Variants in SNX29 observed in about 807,000 individuals in gnomAD.
SNX29 encodes sorting nexin-29.
SNX29 carries 78 observed loss-of-function variants against 102.1 expected under a neutral mutation model. The ratio of observed to expected loss-of-function variants is 0.76; its 90% CI spans 0.64 to 0.92. The LOEUF is 0.92. Among genes scored for constraint, SNX29 ranks in the 40% least tolerant of loss-of-function variants. SNX29 has a pLI of 0.00. For missense variants in SNX29, 1,280 were observed against 1,061.7 expected (o/e 1.21, Z -2.86); for synonymous variants, 580 against 414.5 (o/e 1.40, Z -4.85).
chr16:12,527,319 C>G (rs2269446), intron 20 of SNX29: 134,696 of 530,592 alleles, frequency 0.25, 19,356 homozygotes, highest in East Asian at 0.57. Context: ...AGACTGCTGT[C>G]TCAGCTGGAA....
intron 15 of SNX29, among the ~76,000 whole-genome samples, chr16:12,279,174 C>T (rs953700118): frequency 3.4e-4 from 51 of 152,142 alleles, no homozygotes; most frequent in African/African-American, 1.2e-3. Context: ...TCTAAATCTT[C>T]TACAGTGAGT....
At position 12,481,395 on chromosome 16, in the gene SNX29, T is replaced by TATATACACAC. The variant is rs536664184; in HGVS notation, c.2178+3537_2178+3538insTATACACACA. Among the ~76,000 whole-genome samples, 13 of 149,830 alleles carry TATATACACAC rather than the reference T, an allele frequency of 8.7e-5. No individual in the cohort carries two copies. The East Asian group carries it at 9.9e-4, about 11-fold the overall frequency. ...TGTCTTTTATACATATATATATATA[T>TATATACACAC]ACACACACACACACACATATACATA... On this transcript the variant is annotated intron_variant, in intron 19 of 20. Transcript: ENST00000566228.
At chr16:12,434,397 C>T (rs958129513) in intron 18 of SNX29, among the ~76,000 whole-genome samples, 4 of 152,106 alleles carry the variant, frequency 2.6e-5, no homozygotes, top group Admixed American at 2.0e-4. Context: ...ACCCTGAAAA[C>T]TGCAAAGCAG....
chr16:12,467,531 C>T (rs758724863), intron 18 of SNX29, among the ~76,000 whole-genome samples: 3 of 152,178 alleles, frequency 2.0e-5, no homozygotes, highest in Non-Finnish European at 4.4e-5. Flanking sequence ...CAGTAAGACA[C>T]TCCCTGGCAG....
chr16:12,400,134 C>T (rs1018753324), intron 17 of SNX29, among the ~76,000 whole-genome samples: 13 of 152,250 alleles, frequency 8.5e-5, no homozygotes, highest in African/African-American at 2.9e-4. Context: ...TACTCATCTA[C>T]ACTAAAGCCA....
chr16:12,365,639 C>T (rs188320022), intron 16 of SNX29, among the ~76,000 whole-genome samples: 3 of 149,906 alleles, frequency 2.0e-5, no homozygotes, highest in African/African-American at 2.5e-5. Flanking sequence ...GCAATTGAGC[C>T]GAGATCACGC....
chr16:12,225,656 G>A (rs1451189060), intron 14 of SNX29, among the ~76,000 whole-genome samples: 1 of 152,172 alleles, frequency 6.6e-6, no homozygotes, highest in East Asian at 1.9e-4. Context: ...ACAGCATCCA[G>A]GTCAGCCCAG....
chr16:12,562,495 A>G (rs1181075289), intron 20 of SNX29, among the ~76,000 whole-genome samples: 3 of 152,230 alleles, frequency 2.0e-5, no homozygotes, highest in Admixed American at 2.0e-4. Context: ...AGAAAGGAGC[A>G]TCGTGAGCAG....
chr16:12,126,250 C>G (rs2054209396), intron 11 of SNX29, among the ~76,000 whole-genome samples: 1 of 152,232 alleles, frequency 6.6e-6, no homozygotes, highest in African/African-American at 2.4e-5. Flanking sequence ...GTAGTACTTG[C>G]TAAATGCTAT....
intron 17 of SNX29, among the ~76,000 whole-genome samples, chr16:12,398,861 T>C (rs1284778323): frequency 6.6e-6 from 1 of 152,158 alleles, no homozygotes; most frequent in African/African-American, 2.4e-5. Flanking sequence ...CACAGGGGCA[T>C]GTGCCGTCCA....
At chr16:12,199,704 G>A (rs778256193) in intron 14 of SNX29, 21 bp downstream of exon 14, 15 of 1,605,336 alleles carry the variant, frequency 9.3e-6, no homozygotes, top group Non-Finnish European at 1.1e-5. Context: ...GCCTGAGCCC[G>A]GGTTGGGAGG....
chr16:11,998,205 C>T (rs1328066002), intron 1 of SNX29, among the ~76,000 whole-genome samples: 2 of 152,190 alleles, frequency 1.3e-5, no homozygotes, highest in African/African-American at 4.8e-5. Flanking sequence ...CAGTGTGGAG[C>T]GTCTGCCCTT....
chr16:12,528,254 C>T (rs533308678), intron 20 of SNX29, among the ~76,000 whole-genome samples: 13 of 152,142 alleles, frequency 8.5e-5, no homozygotes. Context: ...GGCTGGAGTG[C>T]AGTGGCACAA....
At chr16:12,013,602 A>AAT (rs1248237214) in intron 3 of SNX29, among the ~76,000 whole-genome samples, 1 of 141,986 alleles carries the variant, frequency 7.0e-6, no homozygotes, top group Non-Finnish European at 1.5e-5. Context: ...AATGAAAAGA[A>AAT]ATATATATTG....
chr16:12,073,409 C>A (rs1471581879), intron 10 of SNX29, among the ~76,000 whole-genome samples: 1 of 152,166 alleles, frequency 6.6e-6, no homozygotes, highest in African/African-American at 2.4e-5. Flanking sequence ...ATCTTTATTT[C>A]TGCCTTCATT....
In SNX29 at chr16:12,405,303, A is replaced by G. The variant is rs1225668661; in HGVS notation, c.2037+1774A>G. The stretch of plus-strand genomic sequence containing the variant: ...GCAACTTGGCAATTTTTAGCTCCTG[A>G]AAGCTATGAATTGAGACGGACCTTA... On this transcript the variant is annotated intron_variant, in intron 18 of 20. Transcript: ENST00000566228. 3.3e-5 allele frequency among the ~76,000 whole-genome samples: 5 copies of G among 152,296 alleles called. No individual in the cohort carries two copies. The East Asian group carries it at 9.6e-4, about 29-fold the overall frequency.
At chr16:12,447,190 A>T (rs1385312480) in intron 18 of SNX29, among the ~76,000 whole-genome samples, 1 of 150,282 alleles carries the variant, frequency 6.7e-6, no homozygotes, top group East Asian at 1.9e-4. Flanking sequence ...AAAAAAAAAA[A>T]AAAAAAAGTA....
At chr16:12,417,620 C>A (rs2084693833) in intron 18 of SNX29, among the ~76,000 whole-genome samples, 1 of 151,924 alleles carries the variant, frequency 6.6e-6, no homozygotes, top group Non-Finnish European at 1.5e-5. Context: ...TTCCTTTTCC[C>A]TGTTCCTTGT....
At chr16:12,539,717 C>G (rs1412172216) in intron 20 of SNX29, among the ~76,000 whole-genome samples, 1 of 152,210 alleles carries the variant, frequency 6.6e-6, no homozygotes, top group African/African-American at 2.4e-5. Context: ...TGATTCTTTA[C>G]TGTGGCTGTT....
Sources: gnomAD v4.1 joint callset for allele counts (sites outside exome capture counted in the v4.1 genomes callset) on GRCh38, gnomAD v4.1.1 for gene constraint, MANE v1.5 for transcripts, NCBI Gene and HGNC (gene_info 2026-07-23, HGNC 2026-07-21) for gene names.